The following PRKG1 variants were observed in gnomAD, a reference collection of about 807,000 sequenced individuals.
The protein encoded by PRKG1 is protein kinase cGMP-dependent 1.
A neutral mutation model predicts 88.1 loss-of-function variants in PRKG1; 35 were observed. The ratio of observed to expected loss-of-function variants is 0.40; its 90% CI spans 0.30 to 0.53. The LOEUF is 0.53. Ranked by LOEUF, PRKG1 falls within the 20% of genes least tolerant of loss-of-function variation. The probability of loss-of-function intolerance (pLI) is 0.59; values close to 1 mark genes in which losing one functional copy is unlikely to be tolerated. For missense variants in PRKG1, 540 were observed against 839.8 expected, an observed-to-expected ratio of 0.64 and a Z score of 4.41; for synonymous variants, 303 against 292.5, an observed-to-expected ratio of 1.04 and a Z score of -0.37.
chr10:51,945,037 C>T (rs1048866731), intron 5 of PRKG1, among the ~76,000 whole-genome samples: 1 of 150,772 alleles, frequency 6.6e-6, no homozygotes, highest in African/African-American at 2.5e-5. Context: ...GTTGATCTGT[C>T]TAATGTTGAC....
chr10:51,653,775 C>A (rs960518860), intron 3 of PRKG1, among the ~76,000 whole-genome samples: 2 of 152,086 alleles, frequency 1.3e-5, no homozygotes, highest in African/African-American at 4.8e-5. Context: ...ACCATGTTGG[C>A]CAGGCTGGTC....
Position 52,294,316 on chromosome 10 carries a change from T to C in PRKG1, c.*416T>C, listed in dbSNP as rs1466720001. On this transcript the variant is annotated 3_prime_UTR_variant, in exon 18 of 18. Coordinates refer to ENST00000373980, the MANE Select transcript of PRKG1 (RefSeq NM_006258.4). The stretch of plus-strand genomic sequence containing the variant: ...CAATAGATTACTATGGTACAGAAAC[T>C]GGGCTATTCCCTTTCTTCAAGTGAA... 6.5e-6 allele frequency: 1 copy of C among 154,632 alleles called. No homozygotes were observed. The highest frequency in any genetic ancestry group is 2.4e-5 in the African/African-American group (1 of 41,486). The allele number at this position is 154,632 out of a possible 1,614,324, so 9.6% of individuals were successfully genotyped here. A position where few individuals can be genotyped will look rare whatever the true frequency, so the allele number is the denominator to read the frequency against.
At chr10:51,630,471 T>G (rs1000673154) in intron 3 of PRKG1, among the ~76,000 whole-genome samples, 9 of 152,176 alleles carry the variant, frequency 5.9e-5, no homozygotes, top group African/African-American at 2.2e-4. Flanking sequence ...ATAAATATAC[T>G]GACACAAAAT....
At chr10:52,165,377 A>G (rs1388055653) in intron 9 of PRKG1, among the ~76,000 whole-genome samples, 2 of 152,070 alleles carry the variant, frequency 1.3e-5, no homozygotes, top group African/African-American at 2.4e-5. Context: ...TCCGTATTGA[A>G]TTTCTTCCCC....
intron 2 of PRKG1, among the ~76,000 whole-genome samples, chr10:51,460,233 A>G (rs1169216092): frequency 6.6e-6 from 1 of 152,088 alleles, no homozygotes. Flanking sequence ...ATTATATTAC[A>G]TACTCACCCA....
intron 1 of PRKG1, among the ~76,000 whole-genome samples, chr10:51,141,454 G>A (rs947327618): frequency 3.3e-5 from 5 of 152,134 alleles, no homozygotes; most frequent in Non-Finnish European, 1.5e-5. Flanking sequence ...TATGTCAGTA[G>A]CAACTCTAGG....
chr10:52,271,337 C>G lies in PRKG1; in HGVS notation c.1174-13C>G. On this transcript the variant is annotated splice_polypyrimidine_tract_variant and intron_variant, in intron 10 of 17. Transcript: ENST00000373980. ...TATGGGCTTTTTCTTACTCTCTTCT[C>G]TCTTTCTTTAAGGTCCAGTTGAAAA... 1 of 1,610,480 alleles carries G rather than the reference C, an allele frequency of 6.2e-7. No homozygotes were observed. Among genetic ancestry groups the G allele is most frequent in the Non-Finnish European group, 8.5e-7 (1 of 1,177,498 alleles).
intron 7 of PRKG1, among the ~76,000 whole-genome samples, chr10:52,096,553 A>T (rs1380910689): frequency 6.6e-6 from 1 of 152,168 alleles, no homozygotes; most frequent in East Asian, 1.9e-4. Context: ...AAAATGCAGT[A>T]AAAACAGTTG....
At chr10:52,165,308 A>T (rs1838404429) in intron 9 of PRKG1, among the ~76,000 whole-genome samples, 1 of 152,154 alleles carries the variant, frequency 6.6e-6, no homozygotes, top group South Asian at 2.1e-4. Context: ...TTCCCTAGAG[A>T]AAGCTTTCTA....
intron 4 of PRKG1, among the ~76,000 whole-genome samples, chr10:51,842,951 A>C (rs1840313779): frequency 6.6e-6 from 1 of 152,002 alleles, no homozygotes; most frequent in African/African-American, 2.4e-5. Flanking sequence ...AAAAAATAGA[A>C]TATGAACAGA....
At chr10:51,407,379 A>G (rs886915099) in intron 2 of PRKG1, among the ~76,000 whole-genome samples, 1 of 152,206 alleles carries the variant, frequency 6.6e-6, no homozygotes, top group African/African-American at 2.4e-5. Flanking sequence ...CCCAAATGCT[A>G]TTACATAAAG....
intron 1 of PRKG1, among the ~76,000 whole-genome samples, chr10:51,083,207 C>G (rs1158785240): frequency 6.6e-6 from 1 of 152,196 alleles, no homozygotes; most frequent in Non-Finnish European, 1.5e-5. Context: ...CTGGGGCACA[C>G]AAAAGTGGCA....
At chr10:51,383,653 G>A (rs759082070) in intron 2 of PRKG1, among the ~76,000 whole-genome samples, 1 of 152,098 alleles carries the variant, frequency 6.6e-6, no homozygotes, top group Non-Finnish European at 1.5e-5. Flanking sequence ...TGACTGACCT[G>A]TCCCATATCA....
intron 2 of PRKG1, among the ~76,000 whole-genome samples, chr10:51,437,897 C>T (rs554372164): frequency 6.6e-6 from 1 of 150,606 alleles, no homozygotes; most frequent in South Asian, 2.1e-4. Context: ...ATTTACAAGA[C>T]AAGACAGTCC....
chr10:52,040,186 A>T (rs1472110387), intron 5 of PRKG1, among the ~76,000 whole-genome samples: 1 of 152,210 alleles, frequency 6.6e-6, no homozygotes, highest in Non-Finnish European at 1.5e-5. Context: ...TTCTACATAC[A>T]TTTGACCTGC....
At chr10:52,073,760 C>A (rs982411496) in intron 7 of PRKG1, among the ~76,000 whole-genome samples, 1 of 152,030 alleles carries the variant, frequency 6.6e-6, no homozygotes, top group Non-Finnish European at 1.5e-5. Flanking sequence ...GATATAATGG[C>A]CCATTGGACT....
intron 3 of PRKG1, among the ~76,000 whole-genome samples, chr10:51,603,186 G>C (rs1838662868): frequency 6.6e-6 from 1 of 152,054 alleles, no homozygotes; most frequent in South Asian, 2.1e-4. Context: ...TCGACCTCCT[G>C]ACCTCAAGTG....
chr10:51,404,963 G>C (rs948845166), intron 2 of PRKG1, among the ~76,000 whole-genome samples: 1 of 151,716 alleles, frequency 6.6e-6, no homozygotes, highest in African/African-American at 2.4e-5. Flanking sequence ...ACGTGATTAA[G>C]GAAAAAAAAT....
intron 3 of PRKG1, among the ~76,000 whole-genome samples, chr10:51,671,515 G>A (rs866862958): frequency 2.0e-5 from 3 of 151,716 alleles, no homozygotes; most frequent in African/African-American, 7.3e-5. Context: ...TTCGGTATCT[G>A]CCTCTACATT....
Sources: gnomAD v4.1 joint callset for allele counts (sites outside exome capture counted in the v4.1 genomes callset) on GRCh38, gnomAD v4.1.1 for gene constraint, MANE v1.5 for transcripts, NCBI Gene and HGNC (gene_info 2026-07-23, HGNC 2026-07-21) for gene names.